Variants in LRBA observed in about 807,000 individuals in gnomAD.
The protein encoded by LRBA is lipopolysaccharide-responsive and beige-like anchor protein.
In LRBA, 176 loss-of-function variants were observed where a neutral mutation model predicts 330.0. The ratio of observed to expected loss-of-function variants is 0.53; its 90% CI spans 0.47 to 0.60. The LOEUF (loss-of-function observed/expected upper bound fraction) is 0.60. Among genes scored for constraint, LRBA ranks in the 20% least tolerant of loss-of-function variants. LRBA has a pLI of 0.00. For synonymous variants in LRBA, 1,230 were observed against 1,193.0 expected, an observed-to-expected ratio of 1.03 and a Z score of -0.64; for missense variants, 3,259 against 3,444.8, an observed-to-expected ratio of 0.95 and a Z score of 1.35.
At chr4:150,672,444 T>C (rs763066478) in intron 37 of LRBA, among the ~76,000 whole-genome samples, 1 of 151,998 alleles carries the variant, frequency 6.6e-6, no homozygotes, top group African/African-American at 2.4e-5. Flanking sequence ...ACTTCAGAAA[T>C]GTAAAAGTAA....
In LRBA at chr4:150,321,355, A is replaced by G; in HGVS notation, c.7466T>C (p.Phe2489Ser). 1 of 1,601,616 alleles carries G rather than the reference A, an allele frequency of 6.2e-7. No homozygotes were observed. The highest frequency in any genetic ancestry group is 8.5e-7 in the Non-Finnish European group (1 of 1,176,072). Reference protein sequence around the residue: ...GSAMQVSPLMFTDKAQQDVIM... With the variant: ...GSAMQVSPLMSTDKAQQDVIM... ...AACATCCTGCTGGGCTTTGTCTGTG[A>G]ACATCAATGGACTCTGCAGGAGGAG... Residue 2489 changes from phenylalanine (F) to serine (S), a missense_variant, in exon 50 of 57, where the codon TTC becomes TCC. Physicochemically the swap from Phe to Ser is radical, Grantham distance 155. Coordinates refer to ENST00000651943, the MANE Select transcript of LRBA (RefSeq NM_001364905.1). The surrounding 1 kb of genome is among the most constrained non-coding windows in gnomAD (Gnocchi z 4.5).
intron 40 of LRBA, among the ~76,000 whole-genome samples, chr4:150,491,426 A>T (rs963065508): frequency 1.3e-5 from 2 of 152,100 alleles, no homozygotes; most frequent in African/African-American, 4.8e-5. Flanking sequence ...TAAATCACAT[A>T]CACAATTCAG....
At position 150,683,610 on chromosome 4, in the gene LRBA, G is replaced by C. The variant is rs1447383172; in HGVS notation, c.5862C>G (p.Ile1954Met). ...YRDHVTATQL[I>M]QKIINILTDK... ...CTGTGAGAATGTTGATAATTTTCTG[G>C]ATTAGTTGAGTTGCTGTCACGTGGT... is the stretch of plus-strand genomic sequence containing the variant. The change falls in exon 37 of 57, where the codon ATC becomes ATG. Residue 1954 changes from isoleucine to methionine, a missense_variant. Ile to Met is a conservative substitution (Grantham distance 10). Coordinates refer to ENST00000651943, the MANE Select transcript of LRBA (RefSeq NM_001364905.1). 3 of 1,613,446 alleles carry C rather than the reference G, an allele frequency of 1.9e-6. No homozygotes were observed. In the Admixed American group the frequency reaches 5.0e-5, roughly 27 times the overall value.
rs1445822448 is a variant in LRBA, at chr4:150,264,768, T to C, written c.*954A>G. The stretch of plus-strand genomic sequence containing the variant: ...AAAAGTAGAATTATACACCACCAAA[T>C]AACATTGTTTCGTTTCTTAGTACAA... On this transcript the variant is annotated 3_prime_UTR_variant, in exon 57 of 57. Transcript: ENST00000651943. 1.3e-5 allele frequency: 2 copies of C among 152,672 alleles called. No homozygotes were observed. The highest frequency in any genetic ancestry group is 2.9e-5 in the Non-Finnish European group (2 of 68,044). 9.5% of individuals were successfully genotyped at this position (152,672 alleles called of 1,614,324 possible). A position where few individuals can be genotyped will look rare whatever the true frequency, so the allele number is the denominator to read the frequency against.
chr4:150,423,357 C>A, intron 46 of LRBA: 1 of 673,074 alleles, frequency 1.5e-6, no homozygotes, highest in Non-Finnish European at 2.7e-6. Flanking sequence ...CGTCAAGGGT[C>A]TTCTGCCCAC....
chr4:150,816,593 A>G (rs1744627050), intron 31 of LRBA, among the ~76,000 whole-genome samples: 1 of 151,960 alleles, frequency 6.6e-6, no homozygotes, highest in Non-Finnish European at 1.5e-5. Flanking sequence ...GAGGAAATGA[A>G]CCAGTATGAC....
chr4:150,864,488 T>C (rs886302501), intron 22 of LRBA, among the ~76,000 whole-genome samples: 35 of 152,270 alleles, frequency 2.3e-4, no homozygotes, highest in Admixed American at 2.1e-3. Context: ...TTTGGCTTCA[T>C]AGAAGACAAC....
intron 40 of LRBA, among the ~76,000 whole-genome samples, chr4:150,505,321 T>G (rs1224582614): frequency 6.6e-6 from 1 of 152,104 alleles, no homozygotes; most frequent in Admixed American, 6.5e-5. Flanking sequence ...ATTGACCACA[T>G]AGTTGGAAGT....
rs1366075752 is a variant in LRBA, at chr4:150,500,207, C to T, written c.6331-9172G>A. Among the ~76,000 whole-genome samples the T allele has an allele frequency of 2.6e-5, 4 of 151,892 alleles. No individual in the cohort carries two copies. The East Asian group carries it at 5.8e-4, about 22-fold the overall frequency. On this transcript the variant is annotated intron_variant, in intron 40 of 56. Coordinates refer to ENST00000651943, the MANE Select transcript of LRBA (RefSeq NM_001364905.1). Reference sequence around the variant, plus strand: ...ATGTGTATACAACATCTTTATGTACCCCATGAATACGTACAACTGTTGCTT... The same window carrying T: ...ATGTGTATACAACATCTTTATGTACTCCATGAATACGTACAACTGTTGCTT...
chr4:150,742,131 C>CATT (rs996940178), intron 35 of LRBA, among the ~76,000 whole-genome samples: 4 of 113,930 alleles, frequency 3.5e-5, no homozygotes, highest in Non-Finnish European at 7.0e-5. Flanking sequence ...TTATTATTAT[C>CATT]ATTATTATTA....
intron 9 of LRBA, among the ~76,000 whole-genome samples, chr4:150,909,109 ATT>A (rs1030149166): frequency 7.2e-5 from 11 of 152,236 alleles, no homozygotes; most frequent in African/African-American, 2.4e-4. Flanking sequence ...TTTTTCGTAT[ATT>A]CTTTTTTTAA....
intron 48 of LRBA, among the ~76,000 whole-genome samples, chr4:150,333,019 T>G (rs140802068): frequency 2.7e-4 from 41 of 152,084 alleles, no homozygotes; most frequent in African/African-American, 6.5e-4. Context: ...ACAATATATA[T>G]AGAGAGAATA....
At chr4:150,315,835 A>G (rs1731652323) in intron 50 of LRBA, among the ~76,000 whole-genome samples, 1 of 152,174 alleles carries the variant, frequency 6.6e-6, no homozygotes, top group Admixed American at 6.6e-5. Flanking sequence ...CTGTGCCATC[A>G]GCAGTGGCTC....
rs1301723380 is a variant in LRBA at position 150,298,679 on chromosome 4, G to GT, written c.8017+3945dup. ...TCTTGTTGTTATGAAGAAAAGTTAG[G>GT]TTTTTTTCTCAGTAGACGCCAATCC... On this transcript the variant is annotated intron_variant, in intron 53 of 56. Coordinates refer to ENST00000651943, the MANE Select transcript of LRBA (RefSeq NM_001364905.1). Among the ~76,000 whole-genome samples the GT allele has an allele frequency of 2.0e-5, 3 of 152,042 alleles. No homozygotes were observed. In the East Asian group the frequency reaches 5.8e-4, roughly 29 times the overall value.
At chr4:150,460,746 C>T (rs1581383867) in intron 44 of LRBA, among the ~76,000 whole-genome samples, 1 of 151,884 alleles carries the variant, frequency 6.6e-6, no homozygotes, top group East Asian at 1.9e-4. Context: ...TTTGTGGTTA[C>T]AATCTAAAGA....
At chr4:151,011,396 G>A (rs928363244) in intron 2 of LRBA, among the ~76,000 whole-genome samples, 2 of 151,900 alleles carry the variant, frequency 1.3e-5, no homozygotes, top group African/African-American at 4.8e-5. Context: ...TCAAGATTTT[G>A]AGACCAGCCT....
chr4:150,888,599 C>T (rs987965295), intron 17 of LRBA, among the ~76,000 whole-genome samples: 4 of 152,014 alleles, frequency 2.6e-5, no homozygotes, highest in Non-Finnish European at 5.9e-5. Flanking sequence ...AAATTACATA[C>T]ACTGGCATCT....
intron 34 of LRBA, among the ~76,000 whole-genome samples, chr4:150,777,726 T>A (rs942560982): frequency 6.6e-6 from 1 of 151,944 alleles, no homozygotes; most frequent in Non-Finnish European, 1.5e-5. Flanking sequence ...CCATCTGTAA[T>A]CCCAGCACTC....
At chr4:150,879,033 C>T (rs1728072594) in intron 17 of LRBA, among the ~76,000 whole-genome samples, 1 of 151,822 alleles carries the variant, frequency 6.6e-6, no homozygotes, top group South Asian at 2.1e-4. Flanking sequence ...AAGCCGGCAT[C>T]ACCCTGATAC....
Sources: gnomAD v4.1 joint callset for allele counts (sites outside exome capture counted in the v4.1 genomes callset) on GRCh38, gnomAD v4.1.1 for gene constraint, Gnocchi (gnomAD v3.1) non-coding constraint, MANE v1.5 for transcripts, NCBI Gene and HGNC (gene_info 2026-07-23, HGNC 2026-07-21) for gene names.